Variants in KIAA1217 observed in about 807,000 individuals in gnomAD.
KIAA1217 encodes KIAA1217.
In KIAA1217, 88 loss-of-function variants were observed where a neutral mutation model predicts 163.9. The ratio of observed to expected loss-of-function variants is 0.54; its 90% CI spans 0.45 to 0.64. KIAA1217 has a LOEUF of 0.64. Among genes scored for constraint, KIAA1217 ranks in the 30% least tolerant of loss-of-function variants. KIAA1217 has a pLI of 0.00. For synonymous variants in KIAA1217, 903 were observed against 923.1 expected, an observed-to-expected ratio of 0.98 and a Z score of 0.39; for missense variants, 2,372 against 2,475.0, an observed-to-expected ratio of 0.96 and a Z score of 0.88.
chr10:24,092,906 TGTG>T (rs1490386204), intron 2 of KIAA1217, among the ~76,000 whole-genome samples: 3 of 135,668 alleles, frequency 2.2e-5, no homozygotes, highest in African/African-American at 3.2e-5. Flanking sequence ...GTATGTATAG[TGTG>T]TGTGTGTGTG....
chr10:23,921,701 C>A (rs1842852672), intron 1 of KIAA1217, among the ~76,000 whole-genome samples: 1 of 152,200 alleles, frequency 6.6e-6, no homozygotes, highest in Middle Eastern at 3.4e-3. Flanking sequence ...CAGGTGCACC[C>A]CCCTGGCTGT....
intron 3 of KIAA1217, among the ~76,000 whole-genome samples, chr10:24,401,481 AAGG>A (rs1191429111): frequency 6.6e-6 from 1 of 152,198 alleles, no homozygotes; most frequent in African/African-American, 2.4e-5. Context: ...CAGGCTGAAG[AAGG>A]AGAATCATAT....
chr10:23,711,749 A>G (rs751839276), intron 1 of KIAA1217, among the ~76,000 whole-genome samples: 11 of 152,182 alleles, frequency 7.2e-5, no homozygotes, highest in Non-Finnish European at 1.3e-4. Context: ...TCAAGCTTCA[A>G]CAGATGAAAT....
intron 3 of KIAA1217, among the ~76,000 whole-genome samples, chr10:24,418,617 A>T (rs2058464513): frequency 6.6e-6 from 1 of 152,170 alleles, no homozygotes; most frequent in African/African-American, 2.4e-5. Context: ...CACAAGAAAA[A>T]TTTTAGATTA....
intron 1 of KIAA1217, among the ~76,000 whole-genome samples, chr10:23,945,049 ACT>A (rs1266421175): frequency 1.5e-5 from 2 of 137,420 alleles, no homozygotes; most frequent in Non-Finnish European, 3.0e-5. Context: ...ACAGAACAAG[ACT>A]CTATCTCAAA....
intron 2 of KIAA1217, among the ~76,000 whole-genome samples, chr10:24,080,259 C>A (rs74691631): frequency 6.6e-6 from 1 of 152,152 alleles, no homozygotes; most frequent in African/African-American, 2.4e-5. Flanking sequence ...GCTGGCTGAG[C>A]AGGACCTTCC....
intron 1 of KIAA1217, among the ~76,000 whole-genome samples, chr10:23,915,062 TAAGAA>T (rs1589067513): frequency 7.4e-6 from 1 of 134,392 alleles, no homozygotes; most frequent in Non-Finnish European, 1.6e-5. Context: ...CTACAAGAAA[TAAGAA>T]AAGAAAAAAG....
At chr10:23,772,650 G>C (rs909529760) in intron 1 of KIAA1217, among the ~76,000 whole-genome samples, 5 of 152,146 alleles carry the variant, frequency 3.3e-5, no homozygotes, top group Non-Finnish European at 7.3e-5. Context: ...ATGTCATGCT[G>C]TTCATTTAGG....
chr10:24,063,486 T>C (rs916240993), intron 2 of KIAA1217, among the ~76,000 whole-genome samples: 1 of 152,200 alleles, frequency 6.6e-6, no homozygotes, highest in African/African-American at 2.4e-5. Flanking sequence ...TCTGTTCTGT[T>C]CCATCGGTCT....
chr10:24,455,831 A>G lies in KIAA1217; in HGVS notation c.846+17352A>G, dbSNP rs148412492. On this transcript the variant is annotated intron_variant, in intron 5 of 20. Coordinates refer to ENST00000376454, the MANE Select transcript of KIAA1217 (RefSeq NM_019590.5). ...GAAATGAATTGGGAGTCTTTTACAT[A>G]TAGCCTGATCTGGGTTCAGAATGAT... 7.2e-3 allele frequency among the ~76,000 whole-genome samples: 1,100 copies of G among 152,344 alleles called. 5 individuals carry two copies. Among genetic ancestry groups the G allele is most frequent in the African/African-American group, 0.025 (1,019 of 41,580 alleles).
At chr10:24,487,603 C>A (rs114301760) in intron 6 of KIAA1217, among the ~76,000 whole-genome samples, 1,547 of 151,558 alleles carry the variant, frequency 0.01, 28 homozygotes, top group African/African-American at 0.036. Context: ...TTAGAAATAG[C>A]TTTTTCCTCT....
At chr10:23,870,514 G>A (rs755061332) in intron 1 of KIAA1217, among the ~76,000 whole-genome samples, 1 of 152,046 alleles carries the variant, frequency 6.6e-6, no homozygotes. Flanking sequence ...CAACAATAAG[G>A]AATGGTGACA....
chr10:24,545,274 C>T (rs1357016226), intron 20 of KIAA1217, 171 bp downstream of exon 20: 18 of 1,416,794 alleles, frequency 1.3e-5, no homozygotes, highest in Admixed American at 2.9e-5. Context: ...ACTTTTTTAC[C>T]ACGCTTTTGC....
intron 2 of KIAA1217, among the ~76,000 whole-genome samples, chr10:24,009,471 A>T (rs1439073775): frequency 1.3e-5 from 2 of 152,190 alleles, no homozygotes; most frequent in African/African-American, 4.8e-5. Context: ...ATGTGTTTCA[A>T]ATTATAGCAC....
At chr10:24,120,891 T>A (rs2063257013) in intron 2 of KIAA1217, among the ~76,000 whole-genome samples, 2 of 152,198 alleles carry the variant, frequency 1.3e-5, no homozygotes, top group African/African-American at 4.8e-5. Flanking sequence ...ATGAGGAAGA[T>A]GTTGATGACA....
chr10:23,835,710 GCC>G lies in KIAA1217; in HGVS notation c.-321+140477_-321+140478del, dbSNP rs1199176917. On this transcript the variant is annotated intron_variant, in intron 1 of 18. Transcript: ENST00000376462. ...CAGTAAGTGTTCCTTTTATCTTCTA[GCC>G]TCACCTGGGTCACCATTAAGAATAT... Among the ~76,000 whole-genome samples, 4 of 152,022 alleles carry G rather than the reference GCC, an allele frequency of 2.6e-5. No homozygotes were observed. In the East Asian group the frequency reaches 7.7e-4, roughly 29 times the overall value.
intron 1 of KIAA1217, among the ~76,000 whole-genome samples, chr10:23,891,000 T>C (rs897455811): frequency 1.3e-5 from 2 of 152,014 alleles, no homozygotes; most frequent in African/African-American, 4.8e-5. Context: ...TTTCTTTAAC[T>C]CAACTAATAT....
In KIAA1217 at chr10:23,835,709, A is replaced by ATGT. The variant is rs1353375007; in HGVS notation, c.-321+140475_-321+140476insTGT. On this transcript the variant is annotated intron_variant, in intron 1 of 18. Transcript: ENST00000376462. Reference sequence around the variant, plus strand: ...TCAGTAAGTGTTCCTTTTATCTTCTAGCCTCACCTGGGTCACCATTAAGAA... The same window carrying ATGT: ...TCAGTAAGTGTTCCTTTTATCTTCTATGTGCCTCACCTGGGTCACCATTAAGAA... Among the ~76,000 whole-genome samples, 4 of 152,226 alleles carry ATGT rather than the reference A, an allele frequency of 2.6e-5. No individual in the cohort carries two copies. The East Asian group carries it at 7.7e-4, about 29-fold the overall frequency.
chr10:24,285,361 C>T (rs2078436514), intron 2 of KIAA1217, among the ~76,000 whole-genome samples: 1 of 152,086 alleles, frequency 6.6e-6, no homozygotes, highest in South Asian at 2.1e-4. Flanking sequence ...AGTGTGAGGT[C>T]TTACATTTAA....
Sources: allele counts gnomAD v4.1 joint callset (sites outside exome capture counted in the v4.1 genomes callset), GRCh38; gene constraint gnomAD v4.1.1; transcripts MANE v1.5; gene names NCBI Gene and HGNC (gene_info 2026-07-23, HGNC 2026-07-21).